Variants in SMS observed in about 807,000 individuals in gnomAD.
The protein encoded by SMS is spermidine aminopropyltransferase.
Under a neutral mutation model 33.0 loss-of-function variants are expected in SMS, and 3 were observed. The ratio of observed to expected loss-of-function variants is 0.09; its 90% CI spans 0.04 to 0.23. The LOEUF is 0.23. Ranked by LOEUF, SMS falls within the 10% of genes least tolerant of loss-of-function variation. The pLI, the probability that SMS is intolerant of heterozygous loss-of-function variation, is 1.00. For synonymous variants in SMS, 103 were observed against 112.2 expected, an observed-to-expected ratio of 0.92 and a Z score of 0.52; for missense variants, 117 against 288.6, an observed-to-expected ratio of 0.41 and a Z score of 4.31.
chrX:21,979,218 C>T (rs1482657496), intron 7 of SMS, among the ~76,000 whole-genome samples: 1 of 109,455 alleles, frequency 9.1e-6, no homozygotes, highest in Non-Finnish European at 1.9e-5. Context: ...TTCAGTTCTA[C>T]GGTACATGTG....
intron 9 of SMS, among the ~76,000 whole-genome samples, chrX:21,992,084 T>A (rs1171450974): frequency 3.6e-5 from 4 of 112,327 alleles, no homozygotes; most frequent in Non-Finnish European, 5.6e-5. Context: ...ATCGTATATA[T>A]CCTGAATAAA....
intron 1 of SMS, among the ~76,000 whole-genome samples, chrX:21,955,970 A>G (rs1349127358): frequency 8.9e-6 from 1 of 112,338 alleles, no homozygotes; most frequent in Non-Finnish European, 1.9e-5. Flanking sequence ...TCACTTGACA[A>G]CCAGCAAGAT....
At chrX:21,965,747 C>CAAAATAAAAT (rs71941598) in intron 1 of SMS, among the ~76,000 whole-genome samples, 3 of 104,858 alleles carry the variant, frequency 2.9e-5, no homozygotes, top group African/African-American at 1.0e-4. Context: ...GACTCTGTCT[C>CAAAATAAAAT]AAAATAAAAT....
intron 1 of SMS, among the ~76,000 whole-genome samples, chrX:21,963,185 T>C (rs1284452420): frequency 8.9e-6 from 1 of 112,322 alleles, no homozygotes; most frequent in Non-Finnish European, 1.9e-5. Flanking sequence ...GAGATACTAC[T>C]GCGGAGTTTT....
intron 4 of SMS, among the ~76,000 whole-genome samples, chrX:21,973,084 T>C (rs897686242): frequency 9.0e-6 from 1 of 111,422 alleles, no homozygotes; most frequent in Non-Finnish European, 1.9e-5. Flanking sequence ...TTCATGTGCA[T>C]GGATGCACAC....
chrX:21,972,340 A>G (rs1438841552), intron 3 of SMS, among the ~76,000 whole-genome samples, 167 bp from the exon 4 acceptor site: 2 of 111,549 alleles, frequency 1.8e-5, no homozygotes, highest in East Asian at 5.6e-4. Context: ...GATAGTTGGT[A>G]TGGGAGAGTG....
At chrX:21,991,760 A>G (rs1838220329) in intron 9 of SMS, among the ~76,000 whole-genome samples, 1 of 112,283 alleles carries the variant, frequency 8.9e-6, no homozygotes, top group Non-Finnish European at 1.9e-5. Context: ...TCCATTCAGC[A>G]GCTCTGCTAT....
At chrX:21,984,960 G>A (rs1222471670) in intron 8 of SMS, among the ~76,000 whole-genome samples, 184 bp from the exon 9 acceptor site, 3 of 111,951 alleles carry the variant, frequency 2.7e-5, no homozygotes, top group African/African-American at 9.7e-5. Context: ...CTAGGTGGAT[G>A]TGATTTTGGC....
chrX:21,965,929 C>T (rs1421168631), intron 1 of SMS, among the ~76,000 whole-genome samples: 1 of 111,254 alleles, frequency 9.0e-6, no homozygotes, highest in Non-Finnish European at 1.9e-5. Flanking sequence ...GCACTTCAAC[C>T]TGGGCGACAG....
chrX:21,960,399 C>CT (rs148888550), intron 1 of SMS, among the ~76,000 whole-genome samples: 14 of 102,228 alleles, frequency 1.4e-4, no homozygotes, highest in South Asian at 4.5e-4. Context: ...TCTTCTGTTC[C>CT]TTTTTTTTTT....
At chrX:21,955,736 C>T (rs1922930602) in intron 1 of SMS, among the ~76,000 whole-genome samples, 1 of 111,675 alleles carries the variant, frequency 9.0e-6, no homozygotes. Flanking sequence ...GCTGACGGGG[C>T]CCACTGAAGA....
intron 1 of SMS, among the ~76,000 whole-genome samples, chrX:21,942,160 C>T (rs1921857678): frequency 9.0e-6 from 1 of 110,539 alleles, no homozygotes; most frequent in Non-Finnish European, 1.9e-5. Context: ...CCTTGCTTTT[C>T]CCACTGTTTT....
chrX:21,969,019 G>A (rs779571532), intron 2 of SMS, among the ~76,000 whole-genome samples: 2 of 111,566 alleles, frequency 1.8e-5, no homozygotes, highest in South Asian at 3.8e-4. Context: ...GGAATTCCAC[G>A]TGGCTTCCTT....
At chrX:21,964,975 C>T (rs1476542143) in intron 1 of SMS, among the ~76,000 whole-genome samples, 1 of 111,418 alleles carries the variant, frequency 9.0e-6, no homozygotes, top group Non-Finnish European at 1.9e-5. Context: ...AGAATCCATC[C>T]TTGCCTCTTC....
chrX:21,957,570 G>T (rs1460927259), intron 1 of SMS, among the ~76,000 whole-genome samples: 1 of 111,955 alleles, frequency 8.9e-6, no homozygotes, highest in Non-Finnish European at 1.9e-5. Context: ...ACAGGTGTGA[G>T]CCACCGTGCC....
chrX:21,944,487 A>G (rs2147484006), intron 1 of SMS, among the ~76,000 whole-genome samples: 1 of 95,883 alleles, frequency 1.0e-5, no homozygotes, highest in Non-Finnish European at 2.0e-5. Context: ...AGAGTTCAAG[A>G]CCAGCCTGGG....
At chrX:21,960,399 CTTT>C (rs148888550) in intron 1 of SMS, among the ~76,000 whole-genome samples, 1 of 102,260 alleles carries the variant, frequency 9.8e-6, no homozygotes. Flanking sequence ...TCTTCTGTTC[CTTT>C]TTTTTTTTAA....
At chrX:21,948,909 A>G (rs1158410799) in intron 1 of SMS, among the ~76,000 whole-genome samples, 2 of 112,133 alleles carry the variant, frequency 1.8e-5, no homozygotes, top group African/African-American at 6.5e-5. Flanking sequence ...GAAAAGTCAG[A>G]AAACCTCCTC....
intron 7 of SMS, among the ~76,000 whole-genome samples, chrX:21,982,799 T>C (rs755605007): frequency 8.9e-6 from 1 of 112,615 alleles, no homozygotes; most frequent in South Asian, 3.6e-4. Context: ...TAAGAATCTG[T>C]GTGAACGTAT....
Sources: gnomAD v4.1 joint callset for allele counts (sites outside exome capture counted in the v4.1 genomes callset) on GRCh38, gnomAD v4.1.1 for gene constraint, MANE v1.5 for transcripts, NCBI Gene and HGNC (gene_info 2026-07-23, HGNC 2026-07-21) for gene names.